CCNL1: variants seen among roughly 807,000 people sequenced by gnomAD.
CCNL1 encodes the protein cyclin L1.
Under a neutral mutation model 60.6 loss-of-function variants are expected in CCNL1, and 13 were observed. The ratio of observed to expected loss-of-function variants is 0.21; its 90% CI spans 0.14 to 0.34. CCNL1 has a LOEUF of 0.34. Among genes scored for constraint, CCNL1 ranks in the 10% least tolerant of loss-of-function variants. The pLI, the probability that CCNL1 is intolerant of heterozygous loss-of-function variation, is 1.00. For synonymous variants in CCNL1, 270 were observed against 244.3 expected (o/e 1.10, Z -0.98); for missense variants, 481 against 664.3 (o/e 0.72, Z 3.03).
chr3:157,149,806 C>CA (rs897443699), intron 8 of CCNL1, 30 bp downstream of exon 8: 1 of 1,601,660 alleles, frequency 6.2e-7, no homozygotes, highest in African/African-American at 1.4e-5. Flanking sequence ...TCAGTGCCCC[C>CA]AAGTCATTTT....
At chr3:157,158,020 C>T (rs1033997540) in intron 3 of CCNL1, among the ~76,000 whole-genome samples, 11 of 152,174 alleles carry the variant, frequency 7.2e-5, no homozygotes, top group African/African-American at 2.7e-4. Context: ...AGAGTGAATG[C>T]AAAAACTATT....
downstream of CCNL1, among the ~76,000 whole-genome samples, chr3:157,145,466 C>CAAAAAAAAAAAAAAAAAAAAA (rs1737755942): frequency 1.8e-4 from 16 of 88,968 alleles, 2 homozygotes; most frequent in African/African-American, 7.4e-4. Flanking sequence ...AAAAAAAAAC[C>CAAAAAAAAAAAAAAAAAAAAA]AAAACGGGAT....
downstream of CCNL1, among the ~76,000 whole-genome samples, chr3:157,146,954 C>T (rs1410561091): frequency 6.6e-6 from 1 of 152,180 alleles, no homozygotes; most frequent in East Asian, 1.9e-4. Flanking sequence ...TCTTAATCTC[C>T]TTCAAAGTAG....
intron 1 of CCNL1, 25 bp from the exon 2 acceptor site, chr3:157,159,504 A>G (rs1432900454): frequency 6.2e-7 from 1 of 1,604,082 alleles, no homozygotes; most frequent in African/African-American, 1.3e-5. Flanking sequence ...GGAGAACGGA[A>G]GCGCAGGGGT....
chr3:157,151,902 A>C (rs1738228229), intron 5 of CCNL1: 7 of 1,259,658 alleles, frequency 5.6e-6, no homozygotes, highest in Non-Finnish European at 7.1e-6. Flanking sequence ...CAGAGGGCAG[A>C]GTTCTATGAC....
downstream of CCNL1, among the ~76,000 whole-genome samples, chr3:157,143,802 A>G (rs150408690): frequency 4.6e-5 from 7 of 152,292 alleles, no homozygotes; most frequent in African/African-American, 1.7e-4. Flanking sequence ...GGATGGCAAT[A>G]AAGGCTCAGG....
At chr3:157,152,835 T>C (rs1738296468) in intron 4 of CCNL1, 2 of 1,322,150 alleles carry the variant, frequency 1.5e-6, no homozygotes, top group African/African-American at 1.5e-5. Flanking sequence ...AGATTTAAGA[T>C]TTGAACCTAC....
In CCNL1 at chr3:157,149,438, CACAT is replaced by C. The variant is rs1422163288; in HGVS notation, c.1133+43_1133+46del. 8 of 1,608,450 alleles carry C rather than the reference CACAT, an allele frequency of 5.0e-6. No individual in the cohort carries two copies. The African/African-American group carries it at 1.1e-4, about 22-fold the overall frequency. On this transcript the variant is annotated intron_variant, in intron 9 of 10. Coordinates refer to ENST00000295926, the MANE Select transcript of CCNL1 (RefSeq NM_020307.4). Reference sequence around the variant, plus strand: ...CAAACTTAGTGTGTTAAAAAGTAAACACATAAAAGATTCCTCAAGCCAGTTTTCC... The same window carrying C: ...CAAACTTAGTGTGTTAAAAAGTAAACAAAAGATTCCTCAAGCCAGTTTTCC...
intron 3 of CCNL1, among the ~76,000 whole-genome samples, chr3:157,157,488 CAA>C (rs1165906953): frequency 6.6e-6 from 1 of 152,122 alleles, no homozygotes; most frequent in African/African-American, 2.4e-5. Flanking sequence ...TTCCTTTAAG[CAA>C]AGAGAAACCT....
At position 157,147,894 on chromosome 3, in the gene CCNL1, T is replaced by C. The variant is rs555109503; in HGVS notation, c.*347A>G. The stretch of plus-strand genomic sequence containing the variant: ...AAGTATTCACCATCATTTAAACAAA[T>C]AACCACTTAAATAGAACAGTGTCTG... On this transcript the variant is annotated 3_prime_UTR_variant, in exon 11 of 11. Coordinates refer to ENST00000295926, the MANE Select transcript of CCNL1 (RefSeq NM_020307.4). 1.4e-4 allele frequency: 140 copies of C among 1,012,778 alleles called. No homozygotes were observed. The South Asian group carries it at 5.5e-3, about 40-fold the overall frequency. 62.7% of individuals were successfully genotyped at this position (1,012,778 alleles called of 1,614,324 possible).
At position 157,147,619 on chromosome 3, in the gene CCNL1, T is replaced by C. The variant is rs894600046; in HGVS notation, c.*622A>G. ...TGTTGGGCGACTCCCATTTACTTTT[T>C]CCATATATACAGTGAAGACTTACAA... On this transcript the variant is annotated 3_prime_UTR_variant, in exon 11 of 11. Coordinates refer to ENST00000295926, the MANE Select transcript of CCNL1 (RefSeq NM_020307.4). 5.1e-6 allele frequency: 5 copies of C among 985,366 alleles called. No individual in the cohort carries two copies. The African/African-American group carries it at 8.7e-5, about 17-fold the overall frequency. The allele number at this position is 985,366 out of a possible 1,614,324, so 61.0% of individuals were successfully genotyped here.
At position 157,159,842 on chromosome 3, in the gene CCNL1, G is replaced by A; in HGVS notation, c.253C>T (p.Leu85=). 1 of 1,560,338 alleles carries A rather than the reference G, an allele frequency of 6.4e-7. No homozygotes were observed. ...GCGGCCTGGATGAGCTCGCAGCCCA[G>A]GATGCGTAAGTCCGTCTCACTGGGC... ...DLPSETDLRI[L]GCELIQAAGI... The change falls in exon 1 of 11, where the codon CTG becomes TTG. Residue 85 remains leucine, a synonymous_variant. Coordinates refer to ENST00000295926, the MANE Select transcript of CCNL1 (RefSeq NM_020307.4).
chr3:157,144,231 T>C (rs1737718548), downstream of CCNL1, among the ~76,000 whole-genome samples: 1 of 152,256 alleles, frequency 6.6e-6, no homozygotes, highest in African/African-American at 2.4e-5. Context: ...ATAAGGTACA[T>C]ACATTATTGA....
Position 157,148,510 on chromosome 3 carries a change from G to A in CCNL1, c.1312C>T (p.Arg438Ter). The A allele has an allele frequency of 6.2e-7, 1 of 1,614,126 alleles. No homozygotes were observed. Among genetic ancestry groups the A allele is most frequent in the Non-Finnish European group, 8.5e-7 (1 of 1,180,026 alleles). The change falls in exon 11 of 11, where the codon CGA (arginine) becomes TGA (stop). Residue 438 changes from arginine (R) to a stop codon, truncating the protein, a stop_gained. Coordinates refer to ENST00000295926, the MANE Select transcript of CCNL1 (RefSeq NM_020307.4). LOFTEE classifies it high-confidence loss of function. ...SRSRSHSESPRRHHNHGSPHL... is the reference protein window; with the variant it reads ...SRSRSHSESP ...GGAGAACCATGATTATGATGTCTTCGAGGGCTTTCACTGTGACTGCGGGAC... is the reference window on the plus strand; with the variant it reads ...GGAGAACCATGATTATGATGTCTTCAAGGGCTTTCACTGTGACTGCGGGAC...
intron 3 of CCNL1, among the ~76,000 whole-genome samples, chr3:157,157,393 T>TCTTC (rs1738701444): frequency 2.1e-5 from 1 of 48,714 alleles, no homozygotes; most frequent in Admixed American, 3.5e-4. Context: ...CGAAGTAAAC[T>TCTTC]AGTCTCACAG....
At chr3:157,159,050 T>C in intron 2 of CCNL1, 75 bp from the exon 3 acceptor site, 1 of 956,744 alleles carries the variant, frequency 1.0e-6, no homozygotes, top group Non-Finnish European at 1.6e-6. Flanking sequence ...AGAACACAAT[T>C]GGGACAACCT....
At chr3:157,143,503 G>A (rs1421406968), downstream of CCNL1, among the ~76,000 whole-genome samples, 2 of 152,094 alleles carry the variant, frequency 1.3e-5, no homozygotes, top group Non-Finnish European at 2.9e-5. Flanking sequence ...ACCCTAATAT[G>A]GGCCAGACAC....
intron 4 of CCNL1, 96 bp from the exon 5 acceptor site, chr3:157,152,337 T>C (rs1738256044): frequency 3.3e-6 from 5 of 1,536,330 alleles, no homozygotes; most frequent in Non-Finnish European, 4.4e-6. Flanking sequence ...TAGACTCAAG[T>C]TCTAATTGTG....
intron 3 of CCNL1, among the ~76,000 whole-genome samples, chr3:157,154,933 T>TATACATACATACATACATAC (rs369407739): frequency 4.1e-4 from 60 of 147,886 alleles, no homozygotes; most frequent in East Asian, 3.3e-3. Context: ...TCTCCATATA[T>TATACATACATACATACATAC]ATACATACAT....
Sources: gnomAD v4.1 joint callset for allele counts (sites outside exome capture counted in the v4.1 genomes callset) on GRCh38, gnomAD v4.1.1 for gene constraint, MANE v1.5 for transcripts, NCBI Gene and HGNC (gene_info 2026-07-23, HGNC 2026-07-21) for gene names.